The following CYP27C1 variants were observed in gnomAD, a reference collection of about 807,000 sequenced individuals.
The protein encoded by CYP27C1 is cytochrome P450 family 27 subfamily C member 1.
CYP27C1 carries 29 observed loss-of-function variants against 40.6 expected under a neutral mutation model. The ratio of observed to expected loss-of-function variants is 0.71; its 90% CI spans 0.53 to 0.97. The LOEUF (loss-of-function observed/expected upper bound fraction) is 0.97, where lower values mean the gene tolerates loss of function less well. CYP27C1 is among the 50% of genes least tolerant of loss of function. CYP27C1 has a pLI of 0.00. For synonymous variants in CYP27C1, 198 were observed against 186.8 expected (o/e 1.06, Z -0.49); for missense variants, 390 against 485.8 (o/e 0.80, Z 1.85).
intron 2 of CYP27C1, among the ~76,000 whole-genome samples, chr2:127,204,223 G>A (rs895919217): frequency 2.7e-5 from 4 of 147,418 alleles, no homozygotes; most frequent in African/African-American, 7.5e-5. Flanking sequence ...CCAAGATCAC[G>A]CCATTGCACT....
intron 2 of CYP27C1, among the ~76,000 whole-genome samples, chr2:127,204,464 G>T (rs1432898153): frequency 1.4e-5 from 1 of 70,678 alleles, no homozygotes; most frequent in Admixed American, 1.7e-4. Context: ...AAGAAAGAAA[G>T]AAAGAAAGAA....
chr2:127,201,257 T>C lies in CYP27C1; in HGVS notation c.748A>G (p.Ile250Val), dbSNP rs1429439088. The change falls in exon 4 of 9, where the codon ATC becomes GTC. Residue 250 changes from isoleucine to valine, a missense_variant. Ile to Val is a conservative substitution (Grantham distance 29). Transcript: ENST00000664447. This position sits in a 1 kb window ranked among gnomAD's most constrained non-coding sequence, Gnocchi z 6.0. ...NSIPQLTVEY[I>V]EALELMFSMF... ...CTAAACATGAGCTCCAGGGCCTCGA[T>C]GTATTCCACAGTCAGCTGTGGGATG... 1.2e-6 allele frequency: 2 copies of C among 1,614,186 alleles called. No homozygotes were observed. Among genetic ancestry groups the C allele is most frequent in the South Asian group, 1.1e-5 (1 of 91,078 alleles).
At chr2:127,193,386 C>G (rs1325040914) in intron 7 of CYP27C1, 89 bp from the exon 8 acceptor site, 2 of 1,524,366 alleles carry the variant, frequency 1.3e-6, no homozygotes, top group East Asian at 4.6e-5. Context: ...GGACAGTCTC[C>G]CGGGGTGCTC....
At chr2:127,191,329 CA>C (rs1682764534) in intron 8 of CYP27C1, among the ~76,000 whole-genome samples, 1 of 152,188 alleles carries the variant, frequency 6.6e-6, no homozygotes, top group Admixed American at 6.5e-5. Flanking sequence ...AAAACTTTAG[CA>C]GTTATATTCA....
At chr2:127,192,231 C>T (rs754826188) in intron 8 of CYP27C1, among the ~76,000 whole-genome samples, 41 of 152,254 alleles carry the variant, frequency 2.7e-4, no homozygotes, top group East Asian at 3.9e-4. Context: ...GTTTCCTCAT[C>T]AGTAAAATGG....
At chr2:127,213,071 C>T (rs1211606747) in intron 1 of CYP27C1, among the ~76,000 whole-genome samples, 1 of 152,094 alleles carries the variant, frequency 6.6e-6, no homozygotes, top group South Asian at 2.1e-4. Context: ...TTCATAATCA[C>T]TACAAAGAGA....
chr2:127,195,413 A>C lies in CYP27C1; in HGVS notation c.1136T>G (p.Leu379Ter). The C allele has an allele frequency of 6.2e-7, 1 of 1,614,110 alleles. No individual in the cohort carries two copies. The highest frequency in any genetic ancestry group is 8.5e-7 in the Non-Finnish European group (1 of 1,180,016). ...TGCAGTTGGAACATGCCTTTCCCCT[A>C]AATTCTTCACAATCTCCCGGTACAC... ...QTVYREIVKN[L>*]GERHVPTAAD... Residue 379 changes from leucine (L) to a stop codon, truncating the protein, a stop_gained, in exon 6 of 9, where the codon TTA becomes TGA. Coordinates refer to ENST00000664447, the MANE Select transcript of CYP27C1 (RefSeq NM_001367502.1). LOFTEE classifies it high-confidence loss of function. This position sits in a 1 kb window ranked among gnomAD's most constrained non-coding sequence, Gnocchi z 6.2.
intron 5 of CYP27C1, among the ~76,000 whole-genome samples, chr2:127,198,047 C>T (rs962370449): frequency 3.9e-5 from 6 of 152,158 alleles, no homozygotes; most frequent in Non-Finnish European, 7.3e-5. Flanking sequence ...TCTGCCTCTT[C>T]CTTTCCCATC....
Position 127,193,194 on chromosome 2 carries a change from T to A in CYP27C1, c.1397A>T (p.Asp466Val). 1 of 1,614,166 alleles carries A rather than the reference T, an allele frequency of 6.2e-7. No individual in the cohort carries two copies. The highest frequency in any genetic ancestry group is 8.5e-7 in the Non-Finnish European group (1 of 1,180,022). Residue 466 changes from aspartate (D) to valine (V), a missense_variant, in exon 8 of 9, where the codon GAT (aspartate) becomes GTT (valine). Physicochemically the swap from Asp to Val is radical, Grantham distance 152 (BLOSUM62 -3). Transcript: ENST00000664447. ...PERWLRKGDL[D>V]RVDNFGSIPF... Reference sequence around the variant, plus strand: ...GATGGATCCAAAATTGTCAACTCTATCTAAGTCTCCTTTCCGCAGCCAGCG... The same window carrying A: ...GATGGATCCAAAATTGTCAACTCTAACTAAGTCTCCTTTCCGCAGCCAGCG...
chr2:127,201,098 AG>A lies in CYP27C1; in HGVS notation c.883+23del. ...CGGCAGGTCAACCTGCTTCTGCAAA[AG>A]GTGCTCTCAATTCTTCTCTTACTGA... On this transcript the variant is annotated intron_variant, in intron 4 of 8. Coordinates refer to ENST00000664447, the MANE Select transcript of CYP27C1 (RefSeq NM_001367502.1). The surrounding 1 kb of genome is among the most constrained non-coding windows in gnomAD (Gnocchi z 6.0). The A allele has an allele frequency of 6.2e-7, 1 of 1,607,276 alleles. No homozygotes were observed. The highest frequency in any genetic ancestry group is 8.5e-7 in the Non-Finnish European group (1 of 1,176,064).
chr2:127,186,526 CG>C lies in CYP27C1; in HGVS notation c.*744del, dbSNP rs1682629580. 1 of 151,988 alleles carries C rather than the reference CG, an allele frequency of 6.6e-6. No homozygotes were observed. Among genetic ancestry groups the C allele is most frequent in the Non-Finnish European group, 1.5e-5 (1 of 68,018 alleles). 9.4% of individuals were successfully genotyped at this position (151,988 alleles called of 1,614,324 possible). On this transcript the variant is annotated 3_prime_UTR_variant, in exon 9 of 9. Coordinates refer to ENST00000664447, the MANE Select transcript of CYP27C1 (RefSeq NM_001367502.1). This position sits in a 1 kb window ranked among gnomAD's most constrained non-coding sequence, Gnocchi z 4.5. The stretch of plus-strand genomic sequence containing the variant: ...AAACGATCCTCCTGCCTCAGTCTTC[CG>C]AGTAACTAGGACCATAGGTGTGCAC...
At chr2:127,210,958 G>A (rs919957243) in intron 1 of CYP27C1, among the ~76,000 whole-genome samples, 3 of 152,124 alleles carry the variant, frequency 2.0e-5, no homozygotes, top group African/African-American at 7.2e-5. Context: ...ACAGATCAGC[G>A]AGACAGAAAA....
In CYP27C1 at chr2:127,203,771, C is replaced by T. The variant is rs1683094353; in HGVS notation, c.474-200G>A. On this transcript the variant is annotated intron_variant, in intron 2 of 8. Coordinates refer to ENST00000664447, the MANE Select transcript of CYP27C1 (RefSeq NM_001367502.1). Reference sequence around the variant, plus strand: ...CCCTGGAGCCTGTTAGAGCTTCTTACACTCTTGCCTTTGAAGCAAACTTTA... The same window carrying T: ...CCCTGGAGCCTGTTAGAGCTTCTTATACTCTTGCCTTTGAAGCAAACTTTA... Among the ~76,000 whole-genome samples, 3 of 152,154 alleles carry T rather than the reference C, an allele frequency of 2.0e-5. No homozygotes were observed. In the South Asian group the frequency reaches 6.2e-4, roughly 32 times the overall value.
intron 8 of CYP27C1, 149 bp downstream of exon 8, chr2:127,192,945 G>C (rs1466830771): frequency 2.0e-6 from 2 of 1,009,528 alleles, no homozygotes; most frequent in African/African-American, 1.6e-5. Context: ...TGAGTAGCTG[G>C]GACCACAGGT....
At position 127,220,284 on chromosome 2, in the gene CYP27C1, A is replaced by C. The variant is rs1243172617; in HGVS notation, c.-14T>G. On this transcript the variant is annotated 5_prime_UTR_variant, in exon 1 of 9. The change abolishes an upstream ATG in the 5' untranslated region. Coordinates refer to ENST00000664447, the MANE Select transcript of CYP27C1 (RefSeq NM_001367502.1). This position sits in a 1 kb window ranked among gnomAD's most constrained non-coding sequence, Gnocchi z 4.6. ...CAGCAGGGCCATGGCGCTCGTCTGCATCGGCTTGTTTGTCTGAGCAACTTT... is the reference window on the plus strand; with the variant it reads ...CAGCAGGGCCATGGCGCTCGTCTGCCTCGGCTTGTTTGTCTGAGCAACTTT... Among the ~76,000 whole-genome samples, 2 of 151,798 alleles carry C rather than the reference A, an allele frequency of 1.3e-5. No individual in the cohort carries two copies. The highest frequency in any genetic ancestry group is 3.0e-5 in the Non-Finnish European group (2 of 67,768).
intron 1 of CYP27C1, among the ~76,000 whole-genome samples, chr2:127,216,448 A>G (rs1256639110): frequency 6.6e-6 from 1 of 152,242 alleles, no homozygotes; most frequent in Admixed American, 6.5e-5. Context: ...GAAACCACCC[A>G]TAAAAGACCA....
At chr2:127,205,282 C>A (rs114333617) in intron 2 of CYP27C1, among the ~76,000 whole-genome samples, 2,161 of 152,278 alleles carry the variant, frequency 0.014, 45 homozygotes, top group African/African-American at 0.048. Context: ...CTGTATTTCT[C>A]CCCAATTTAT....
intron 2 of CYP27C1, among the ~76,000 whole-genome samples, chr2:127,204,458 AAG>A (rs1491454324): frequency 2.0e-5 from 1 of 49,032 alleles, no homozygotes; most frequent in Non-Finnish European, 4.2e-5. Flanking sequence ...GAAAGAAAGA[AAG>A]AAAGAAAGAA....
Position 127,201,242 on chromosome 2 carries a change from G to A in CYP27C1, c.763C>T (p.Leu255Phe). ...LTVEYIEALE[L>F]MFSMFKTSMY... is the part of the protein sequence containing the mutation. Reference sequence around the variant, plus strand: ...GAGGTCTTGAACATGCTAAACATGAGCTCCAGGGCCTCGATGTATTCCACA... The same window carrying A: ...GAGGTCTTGAACATGCTAAACATGAACTCCAGGGCCTCGATGTATTCCACA... Residue 255 changes from leucine (L) to phenylalanine (F), a missense_variant, in exon 4 of 9, where the codon CTC becomes TTC. Physicochemically the swap from Leu to Phe is conservative, Grantham distance 22. Transcript: ENST00000664447. The surrounding 1 kb of genome is among the most constrained non-coding windows in gnomAD (Gnocchi z 6.0). The A allele has an allele frequency of 6.2e-7, 1 of 1,614,174 alleles. No homozygotes were observed. Among genetic ancestry groups the A allele is most frequent in the Non-Finnish European group, 8.5e-7 (1 of 1,180,030 alleles).
Sources: allele counts gnomAD v4.1 joint callset (sites outside exome capture counted in the v4.1 genomes callset), GRCh38; gene constraint gnomAD v4.1.1; non-coding constraint Gnocchi (gnomAD v3.1); transcripts MANE v1.5; gene names NCBI Gene and HGNC (gene_info 2026-07-23, HGNC 2026-07-21).